Variants in PTPRD observed in about 807,000 individuals in gnomAD.
PTPRD encodes protein tyrosine phosphatase receptor type D, also known as receptor-type tyrosine-protein phosphatase delta.
PTPRD carries 34 observed loss-of-function variants against 214.5 expected under a neutral mutation model. That is an observed-to-expected ratio of 0.16 (90% CI 0.12 to 0.21). The LOEUF is 0.21. Among genes scored for constraint, PTPRD ranks in the 10% least tolerant of loss-of-function variants. PTPRD has a pLI of 1.00. For missense variants in PTPRD, 2,545 were observed against 2,398.7 expected, an observed-to-expected ratio of 1.06 and a Z score of -1.27; for synonymous variants, 1,128 against 845.7, an observed-to-expected ratio of 1.33 and a Z score of -5.79.
chr9:8,836,962 C>A (rs546878861), intron 11 of PTPRD, among the ~76,000 whole-genome samples: 1 of 151,578 alleles, frequency 6.6e-6, no homozygotes, highest in East Asian at 2.0e-4. Context: ...CCATTAATAA[C>A]CCACCCATCC....
In PTPRD at chr9:9,305,410, G is replaced by A. The variant is rs191523862; in HGVS notation, c.-203+92039C>T. ...TATTTAGTGTGAGGCACTGTATAAG[G>A]TCTTAATTGGAATACAGATGTTATT... On this transcript the variant is annotated intron_variant, in intron 9 of 45. Coordinates refer to ENST00000381196, the MANE Select transcript of PTPRD (RefSeq NM_002839.4). Among the ~76,000 whole-genome samples the A allele has an allele frequency of 2.6e-3, 389 of 152,080 alleles. 1 individual carries two copies. The highest frequency in any genetic ancestry group is 8.5e-3 in the African/African-American group (354 of 41,504).
intron 10 of PTPRD, among the ~76,000 whole-genome samples, chr9:9,107,188 T>C (rs1328666524): frequency 2.0e-5 from 3 of 152,154 alleles, no homozygotes; most frequent in Non-Finnish European, 2.9e-5. Flanking sequence ...GTGGCCTGTA[T>C]CTTTTAGAAG....
chr9:8,723,106 C>A (rs1684433659), intron 12 of PTPRD, among the ~76,000 whole-genome samples: 3 of 152,130 alleles, frequency 2.0e-5, no homozygotes. Context: ...CCTAGCCCAG[C>A]AATCCGAACC....
chr9:9,205,694 A>C (rs2099944422), intron 9 of PTPRD, among the ~76,000 whole-genome samples: 1 of 152,156 alleles, frequency 6.6e-6, no homozygotes, highest in African/African-American at 2.4e-5. Context: ...TGTATGCTGT[A>C]ATTGCCAAGT....
chr9:10,231,989 A>AGAGAGAGAGAGAGTGTGTGTGTGT (rs1245284728), intron 3 of PTPRD, among the ~76,000 whole-genome samples: 28 of 92,494 alleles, frequency 3.0e-4, no homozygotes, highest in African/African-American at 9.0e-4. Flanking sequence ...AGAGAGAGAG[A>AGAGAGAGAGAGAGTGTGTGTGTGT]GTGTGTGTGT....
intron 5 of PTPRD, among the ~76,000 whole-genome samples, chr9:9,909,684 G>C (rs748946249): frequency 6.6e-6 from 1 of 151,488 alleles, no homozygotes; most frequent in Non-Finnish European, 1.5e-5. Context: ...TCTTTATAGT[G>C]CATTTATATT....
rs2045802289 is a variant in PTPRD, at chr9:10,505,926, G to A, written c.-600+106472C>T. ...CAGAAAAATAATCAATAAGTAGAAG[G>A]TGTATGAAAAGATGAGGGAGTCAAT... On this transcript the variant is annotated intron_variant, in intron 2 of 45. Coordinates refer to ENST00000381196, the MANE Select transcript of PTPRD (RefSeq NM_002839.4). Among the ~76,000 whole-genome samples, 2 of 152,038 alleles carry A rather than the reference G, an allele frequency of 1.3e-5. 1 individual carries two copies. Among genetic ancestry groups the A allele is most frequent in the South Asian group, 4.1e-4 (2 of 4,822 alleles).
intron 8 of PTPRD, among the ~76,000 whole-genome samples, chr9:9,454,415 G>C (rs555307399): frequency 7.2e-5 from 11 of 151,758 alleles, no homozygotes; most frequent in African/African-American, 2.7e-4. Flanking sequence ...TTATAAAATG[G>C]CTATGGTTCT....
intron 5 of PTPRD, among the ~76,000 whole-genome samples, chr9:9,860,004 T>C (rs1361358160): frequency 6.6e-6 from 1 of 152,030 alleles, no homozygotes; most frequent in Non-Finnish European, 1.5e-5. Context: ...ACTCCTCTGG[T>C]ACAATTCAAA....
At chr9:9,674,046 G>A (rs988465922) in intron 7 of PTPRD, among the ~76,000 whole-genome samples, 2 of 151,688 alleles carry the variant, frequency 1.3e-5, no homozygotes, top group South Asian at 4.1e-4. Context: ...GAGGAAGAGA[G>A]AAAATAATAC....
At chr9:8,387,464 C>T (rs2087548743) in intron 37 of PTPRD, among the ~76,000 whole-genome samples, 1 of 152,156 alleles carries the variant, frequency 6.6e-6, no homozygotes, top group South Asian at 2.1e-4. Context: ...CCTGCAGTGT[C>T]AAGATAAAAT....
At chr9:9,787,030 G>T (rs1168358451) in intron 5 of PTPRD, among the ~76,000 whole-genome samples, 3 of 151,900 alleles carry the variant, frequency 2.0e-5, no homozygotes, top group African/African-American at 7.3e-5. Flanking sequence ...CCAACTACTT[G>T]GAAGTCTGAA....
intron 5 of PTPRD, among the ~76,000 whole-genome samples, chr9:9,783,656 A>G (rs1449416611): frequency 1.3e-5 from 2 of 152,060 alleles, no homozygotes; most frequent in Non-Finnish European, 2.9e-5. Context: ...CAAGAACGCT[A>G]CTTTGTACCC....
intron 9 of PTPRD, among the ~76,000 whole-genome samples, chr9:9,244,489 T>C (rs1367025843): frequency 6.6e-6 from 1 of 152,138 alleles, no homozygotes; most frequent in Non-Finnish European, 1.5e-5. Flanking sequence ...GCCACACATC[T>C]ACAACTATCT....
At chr9:9,866,531 G>T (rs551415540) in intron 5 of PTPRD, among the ~76,000 whole-genome samples, 5 of 151,998 alleles carry the variant, frequency 3.3e-5, no homozygotes, top group African/African-American at 1.2e-4. Context: ...AAAAGAAACA[G>T]GTAATAAGAT....
chr9:8,523,875 A>T (rs759857972), intron 18 of PTPRD, among the ~76,000 whole-genome samples: 8 of 152,246 alleles, frequency 5.3e-5, no homozygotes, highest in Non-Finnish European at 1.2e-4. Context: ...CAGACTCCAT[A>T]AAAAAAGAAA....
At chr9:10,482,089 TG>T (rs2099101363) in intron 2 of PTPRD, among the ~76,000 whole-genome samples, 1 of 152,102 alleles carries the variant, frequency 6.6e-6, no homozygotes, top group Non-Finnish European at 1.5e-5. Context: ...AAACAAATGT[TG>T]GCCGGGCGCG....
At chr9:8,910,903 G>A (rs1348873264) in intron 11 of PTPRD, among the ~76,000 whole-genome samples, 1 of 152,134 alleles carries the variant, frequency 6.6e-6, no homozygotes, top group African/African-American at 2.4e-5. Context: ...AGAAGCGCAA[G>A]CCTTGTACAC....
chr9:10,345,709 G>C (rs2154447983), intron 2 of PTPRD, among the ~76,000 whole-genome samples: 1 of 152,304 alleles, frequency 6.6e-6, no homozygotes, highest in South Asian at 2.1e-4. Flanking sequence ...ATTGTGAACA[G>C]TGTTGCAAAA....
Sources: gnomAD v4.1 joint callset for allele counts (sites outside exome capture counted in the v4.1 genomes callset) on GRCh38, gnomAD v4.1.1 for gene constraint, MANE v1.5 for transcripts, NCBI Gene and HGNC (gene_info 2026-07-23, HGNC 2026-07-21) for gene names.